Variants in BRAF observed in about 807,000 individuals in gnomAD.
BRAF encodes the protein B-Raf proto-oncogene, serine/threonine kinase.
BRAF carries 16 observed loss-of-function variants against 104.6 expected under a neutral mutation model. The ratio of observed to expected loss-of-function variants is 0.15; its 90% CI spans 0.10 to 0.23. BRAF has a LOEUF of 0.23. Ranked by LOEUF, BRAF falls within the 10% of genes least tolerant of loss-of-function variation. The pLI is 1.00. For missense variants in BRAF, 541 were observed against 937.3 expected, an observed-to-expected ratio of 0.58 and a Z score of 5.52; for synonymous variants, 310 against 341.6, an observed-to-expected ratio of 0.91 and a Z score of 1.02.
intron 1 of BRAF, among the ~76,000 whole-genome samples, chr7:140,859,099 A>C (rs1810116980): frequency 6.6e-6 from 1 of 152,246 alleles, no homozygotes; most frequent in Admixed American, 6.5e-5. Flanking sequence ...AGAATCTAGA[A>C]GAAAAGTCTA....
chr7:140,762,879 C>A (rs1798894339), intron 14 of BRAF, among the ~76,000 whole-genome samples: 1 of 152,214 alleles, frequency 6.6e-6, no homozygotes. Flanking sequence ...ATCCATTTAA[C>A]CCTGAGTGGA....
At chr7:140,735,231 C>G (rs991817270) in intron 18 of BRAF, among the ~76,000 whole-genome samples, 1 of 152,152 alleles carries the variant, frequency 6.6e-6, no homozygotes, top group Non-Finnish European at 1.5e-5. Flanking sequence ...AGAAACCTAG[C>G]CATGGGAAAT....
chr7:140,826,174 T>C (rs1216861620), intron 3 of BRAF, among the ~76,000 whole-genome samples: 1 of 152,340 alleles, frequency 6.6e-6, no homozygotes, highest in East Asian at 1.9e-4. Flanking sequence ...TTTGAATTTC[T>C]ATGTGACATT....
At chr7:140,836,186 C>T (rs755068238) in intron 2 of BRAF, 7 of 152,054 alleles carry the variant, frequency 4.6e-5, no homozygotes, top group Admixed American at 1.3e-4. Context: ...TCATACAATA[C>T]CTGGGACATA....
At chr7:140,802,395 C>G (rs1193332278) in intron 5 of BRAF, among the ~76,000 whole-genome samples, 1 of 146,104 alleles carries the variant, frequency 6.8e-6, no homozygotes, top group Non-Finnish European at 1.5e-5. Flanking sequence ...CCTCCTGGTT[C>G]AAGTGATTCT....
intron 17 of BRAF, among the ~76,000 whole-genome samples, chr7:140,743,076 G>A (rs1388294834): frequency 6.6e-6 from 1 of 152,116 alleles, no homozygotes; most frequent in African/African-American, 2.4e-5. Flanking sequence ...GGAAACAACA[G>A]GTGCTGGAGA....
At position 140,724,883 on chromosome 7, in the gene BRAF, T is replaced by G; in HGVS notation, c.*1611A>C. On this transcript the variant is annotated 3_prime_UTR_variant, in exon 20 of 20. Coordinates refer to ENST00000644969, the MANE Select transcript of BRAF (RefSeq NM_001374258.1). ...ATTAATACATCCGCTTTCTTTGCTA[T>G]GACTGTGATTGATATTACCCTTTAA... 1 of 1,038,320 alleles carries G rather than the reference T, an allele frequency of 9.6e-7. No individual in the cohort carries two copies. Among genetic ancestry groups the G allele is most frequent in the Non-Finnish European group, 1.2e-6 (1 of 862,178 alleles). 64.3% of individuals were successfully genotyped at this position (1,038,320 alleles called of 1,614,324 possible).
At chr7:140,867,187 G>T (rs1470732713) in intron 1 of BRAF, among the ~76,000 whole-genome samples, 3 of 151,936 alleles carry the variant, frequency 2.0e-5, no homozygotes, top group Non-Finnish European at 4.4e-5. Context: ...TACAGATGAG[G>T]AAACAGGGAG....
chr7:140,762,220 T>C (rs1202857509), intron 14 of BRAF, among the ~76,000 whole-genome samples: 1 of 152,134 alleles, frequency 6.6e-6, no homozygotes, highest in Non-Finnish European at 1.5e-5. Context: ...TAACTAGAAC[T>C]CAGGATTAAG....
intron 14 of BRAF, among the ~76,000 whole-genome samples, chr7:140,763,339 AC>A (rs1277362905): frequency 2.9e-5 from 4 of 137,828 alleles, no homozygotes; most frequent in Admixed American, 7.2e-5. Context: ...CAGGGGGCTG[AC>A]CCCCCCACCT....
chr7:140,887,986 C>A (rs1813765760), intron 1 of BRAF, among the ~76,000 whole-genome samples: 1 of 152,012 alleles, frequency 6.6e-6, no homozygotes, highest in Admixed American at 6.6e-5. Flanking sequence ...GATTCTCCTG[C>A]CTCAGCCTCC....
rs373947547 is a variant in BRAF, at chr7:140,921,192, C to T, written c.138+3374G>A. Among the ~76,000 whole-genome samples, 31 of 152,180 alleles carry T rather than the reference C, an allele frequency of 2.0e-4. No individual in the cohort carries two copies. The South Asian group carries it at 5.6e-3, about 27-fold the overall frequency. Reference sequence around the variant, plus strand: ...TAATAAATATCACTCTGGTATCACACTTAAAAAAATGTATTTATTATACCA... The same window carrying T: ...TAATAAATATCACTCTGGTATCACATTTAAAAAAATGTATTTATTATACCA... On this transcript the variant is annotated intron_variant, in intron 1 of 19. Coordinates refer to ENST00000644969, the MANE Select transcript of BRAF (RefSeq NM_001374258.1).
At chr7:140,897,897 T>C (rs1815144959) in intron 1 of BRAF, among the ~76,000 whole-genome samples, 2 of 152,240 alleles carry the variant, frequency 1.3e-5, no homozygotes, top group Admixed American at 6.5e-5. Context: ...CAACAACATA[T>C]GTCTTTATAA....
chr7:140,725,272 C>T lies in BRAF; in HGVS notation c.*1222G>A. On this transcript the variant is annotated 3_prime_UTR_variant, in exon 20 of 20. Transcript: ENST00000644969. Reference sequence around the variant, plus strand: ...TATTAGCAAAGATGTTAGTGTGGATCCAGCAAGTACCATTAATTGAAAAAT... The same window carrying T: ...TATTAGCAAAGATGTTAGTGTGGATTCAGCAAGTACCATTAATTGAAAAAT... 9.6e-7 allele frequency: 1 copy of T among 1,042,538 alleles called. No individual in the cohort carries two copies. Among genetic ancestry groups the T allele is most frequent in the Non-Finnish European group, 1.2e-6 (1 of 864,376 alleles). The allele number at this position is 1,042,538 out of a possible 1,614,324, so 64.6% of individuals were successfully genotyped here.
chr7:140,904,843 G>A (rs542117934), intron 1 of BRAF, among the ~76,000 whole-genome samples: 4 of 152,210 alleles, frequency 2.6e-5, no homozygotes, highest in South Asian at 2.1e-4. Flanking sequence ...TCCAGCCCTC[G>A]TGATCCGCCT....
At position 140,760,170 on chromosome 7, in the gene BRAF, T is replaced by C. The variant is rs375931668; in HGVS notation, c.1815-5937A>G. Among the ~76,000 whole-genome samples the C allele has an allele frequency of 3.3e-5, 5 of 152,298 alleles. No homozygotes were observed. In the East Asian group the frequency reaches 5.8e-4, roughly 18 times the overall value. The stretch of plus-strand genomic sequence containing the variant: ...GATCATGCCTGTAATTCCAGCACTT[T>C]GGGATGCCGAGATGGGCAGACCACT... On this transcript the variant is annotated intron_variant, in intron 14 of 19. Transcript: ENST00000644969.
At chr7:140,918,922 G>A (rs1344836813) in intron 1 of BRAF, among the ~76,000 whole-genome samples, 2 of 151,900 alleles carry the variant, frequency 1.3e-5, no homozygotes, top group Admixed American at 1.3e-4. Context: ...GGCAGATCAC[G>A]AGGTCAGGAG....
chr7:140,899,954 C>G (rs1438424322), intron 1 of BRAF, among the ~76,000 whole-genome samples: 1 of 152,188 alleles, frequency 6.6e-6, no homozygotes, highest in African/African-American at 2.4e-5. Context: ...TCTCTTACTC[C>G]CTTCTAGAAA....
At chr7:140,813,659 T>C (rs182690071) in intron 3 of BRAF, among the ~76,000 whole-genome samples, 43 of 152,288 alleles carry the variant, frequency 2.8e-4, no homozygotes, top group Non-Finnish European at 4.9e-4. Flanking sequence ...AGTACATCTA[T>C]ACAATGGAAC....
Sources: allele counts gnomAD v4.1 joint callset (sites outside exome capture counted in the v4.1 genomes callset), GRCh38; gene constraint gnomAD v4.1.1; transcripts MANE v1.5; gene names NCBI Gene and HGNC (gene_info 2026-07-23, HGNC 2026-07-21).